Variants in CCL25 observed in about 807,000 individuals in gnomAD.
The protein encoded by CCL25 is C-C motif chemokine 25.
A neutral mutation model predicts 19.9 loss-of-function variants in CCL25; 14 were observed. The ratio of observed to expected loss-of-function variants is 0.70; its 90% confidence interval spans 0.47 to 1.10. CCL25 has a LOEUF of 1.10. CCL25 is among the 50% of genes least tolerant of loss of function. CCL25 has a pLI of 0.00. For synonymous variants in CCL25, 68 were observed against 73.2 expected, an observed-to-expected ratio of 0.93 and a Z score of 0.36; for missense variants, 151 against 181.2, an observed-to-expected ratio of 0.83 and a Z score of 0.96.
chr19:8,054,718 A>C (rs2081257038), intron 2 of CCL25, among the ~76,000 whole-genome samples: 1 of 148,530 alleles, frequency 6.7e-6, no homozygotes, highest in African/African-American at 2.5e-5. Context: ...TGCAGAGATC[A>C]GTTTCCCGGG....
At chr19:8,059,016 TAATATA>T (rs2081295928) in intron 5 of CCL25, among the ~76,000 whole-genome samples, 1 of 128,916 alleles carries the variant, frequency 7.8e-6, no homozygotes, top group Non-Finnish European at 1.6e-5. Context: ...TATAAATATA[TAATATA>T]AATATATGTA....
intron 5 of CCL25, among the ~76,000 whole-genome samples, chr19:8,059,655 T>C (rs950320831): frequency 6.6e-6 from 1 of 152,202 alleles, no homozygotes; most frequent in Admixed American, 6.6e-5. Flanking sequence ...GGTTGGATCA[T>C]TCGATAGAAC....
chr19:8,053,081 C>T lies in CCL25; in HGVS notation c.32C>T (p.Ala11Val). The T allele has an allele frequency of 6.4e-7, 1 of 1,556,060 alleles. No homozygotes were observed. The highest frequency in any genetic ancestry group is 8.7e-7 in the Non-Finnish European group (1 of 1,149,800). The change falls in exon 2 of 6, where the codon GCC becomes GTC. Residue 11 changes from alanine (A) to valine (V), a missense_variant. Physicochemically the swap from Ala to Val is moderately conservative, Grantham distance 64. Coordinates refer to ENST00000315626, the MANE Select transcript of CCL25 (RefSeq NM_005624.4). MNLWLLACLV[A>V]GFLGAWAPAV... The stretch of plus-strand genomic sequence containing the variant: ...CTGTGGCTCCTGGCCTGCCTGGTGG[C>T]CGGCTTCCTGGGAGCCTGGGCCCCC...
chr19:8,053,042 C>A lies in CCL25; in HGVS notation c.-8C>A. 6.5e-7 allele frequency: 1 copy of A among 1,549,336 alleles called. No individual in the cohort carries two copies. The highest frequency in any genetic ancestry group is 8.7e-7 in the Non-Finnish European group (1 of 1,146,244). ...CCAGGTGCCCAGGGAGGAGGACCCGCCTGCAGCATGAACCTGTGGCTCCTG... is the reference window on the plus strand; with the variant it reads ...CCAGGTGCCCAGGGAGGAGGACCCGACTGCAGCATGAACCTGTGGCTCCTG... On this transcript the variant is annotated 5_prime_UTR_variant, in exon 2 of 6. Transcript: ENST00000315626.
In CCL25 at chr19:8,056,511, C is replaced by G. The variant is rs1331380442; in HGVS notation, c.325+12C>G. The G allele has an allele frequency of 1.9e-6, 3 of 1,613,716 alleles. No homozygotes were observed. The African/African-American group carries it at 4.0e-5, about 22-fold the overall frequency. On this transcript the variant is annotated intron_variant, in intron 4 of 5. Coordinates refer to ENST00000315626, the MANE Select transcript of CCL25 (RefSeq NM_005624.4). Reference sequence around the variant, plus strand: ...GCAGACCTTCCAAGGTGGGCAAGACCTCTGCTGGGCATCTAGGGGGCCTGC... The same window carrying G: ...GCAGACCTTCCAAGGTGGGCAAGACGTCTGCTGGGCATCTAGGGGGCCTGC...
intron 5 of CCL25, among the ~76,000 whole-genome samples, chr19:8,060,854 G>A (rs911004826): frequency 1.1e-4 from 17 of 150,860 alleles, no homozygotes; most frequent in Non-Finnish European, 2.1e-4. Flanking sequence ...CTAATTTTTT[G>A]TATTTTTAGT....
intron 5 of CCL25, among the ~76,000 whole-genome samples, chr19:8,058,235 T>C (rs2081286156): frequency 6.8e-6 from 1 of 146,054 alleles, no homozygotes; most frequent in Non-Finnish European, 1.5e-5. Context: ...ATTCTGACAT[T>C]GTGTGTGTGT....
At chr19:8,054,288 G>A (rs2081253177) in intron 2 of CCL25, among the ~76,000 whole-genome samples, 1 of 152,254 alleles carries the variant, frequency 6.6e-6, no homozygotes, top group Non-Finnish European at 1.5e-5. Flanking sequence ...GGGTTGGGCT[G>A]TGGTCTGATT....
intron 5 of CCL25, among the ~76,000 whole-genome samples, chr19:8,061,946 A>C (rs62124694): frequency 0.11 from 15,985 of 149,980 alleles, 1,067 homozygotes; most frequent in Admixed American, 0.19. Flanking sequence ...GCTACTAGGG[A>C]GGCTGAGGCA....
intron 5 of CCL25, among the ~76,000 whole-genome samples, chr19:8,059,086 T>C (rs8103962): frequency 5.4e-5 from 1 of 18,426 alleles, no homozygotes. Flanking sequence ...ATATATATAA[T>C]ATATATAATG....
intron 2 of CCL25, among the ~76,000 whole-genome samples, chr19:8,055,334 TTTTTG>T (rs1213218576): frequency 2.7e-5 from 4 of 145,464 alleles, no homozygotes; most frequent in South Asian, 4.5e-4. Flanking sequence ...TAATTTTTGT[TTTTTG>T]TTTTGTTTTG....
chr19:8,053,108 C>T lies in CCL25; in HGVS notation c.59C>T (p.Ala20Val), dbSNP rs1377692531. ...VAGFLGAWAPAVHTQGVFEDC... is the reference protein window; with the variant it reads ...VAGFLGAWAPVVHTQGVFEDC... ...GGCTTCCTGGGAGCCTGGGCCCCCG[C>T]TGTCCACACCCAAGGTACTGTGTTC... Residue 20 changes from alanine to valine, a missense_variant, in exon 2 of 6, where the codon GCT (alanine) becomes GTT (valine). Physicochemically the swap from Ala to Val is moderately conservative, Grantham distance 64. Transcript: ENST00000315626. 1.9e-6 allele frequency: 3 copies of T among 1,556,036 alleles called. No individual in the cohort carries two copies. Among genetic ancestry groups the T allele is most frequent in the Non-Finnish European group, 2.6e-6 (3 of 1,149,364 alleles).
At chr19:8,052,535 G>A (rs1454197871), upstream of CCL25, among the ~76,000 whole-genome samples, 1 of 147,772 alleles carries the variant, frequency 6.8e-6, no homozygotes, top group Non-Finnish European at 1.5e-5. Context: ...GGGAAACAGG[G>A]GAAAAGGCCC....
chr19:8,055,285 GAAAA>G (rs368584418), intron 2 of CCL25, among the ~76,000 whole-genome samples: 1 of 92,736 alleles, frequency 1.1e-5, no homozygotes, highest in Non-Finnish European at 2.0e-5. Flanking sequence ...TGAGACTCTG[GAAAA>G]AAAAAAAAAA....
chr19:8,059,423 T>C (rs1001918507), intron 5 of CCL25, among the ~76,000 whole-genome samples: 4 of 151,598 alleles, frequency 2.6e-5, no homozygotes, highest in Middle Eastern at 3.4e-3. Flanking sequence ...GGTCTCTAAC[T>C]TCTGGCCTCA....
rs200602406 is a variant in CCL25, at chr19:8,056,145, G to A, written c.74-7G>A. 2,837 of 1,529,528 alleles carry A rather than the reference G, an allele frequency of 1.9e-3. 65 individuals carry two copies. In the South Asian group the frequency reaches 0.032, roughly 17 times the overall value. 94.7% of individuals were successfully genotyped at this position (1,529,528 alleles called of 1,614,324 possible). A position where few individuals can be genotyped will look rare whatever the true frequency, so the allele number is the denominator to read the frequency against. On this transcript the variant is annotated splice_region_variant and splice_polypyrimidine_tract_variant and intron_variant, in intron 2 of 5. Coordinates refer to ENST00000315626, the MANE Select transcript of CCL25 (RefSeq NM_005624.4). ...GTGCGAGTATCTGGGCGGCTGTGTG[G>A]TTGCAGGTGTCTTTGAGGACTGCTG...
intron 3 of CCL25, 38 bp downstream of exon 3, chr19:8,056,307 C>T (rs777202720): frequency 3.7e-6 from 6 of 1,604,074 alleles, no homozygotes; most frequent in Non-Finnish European, 5.1e-6. Context: ...GTGGGGTGCA[C>T]ACACAGCCTT....
chr19:8,058,490 AAT>A (rs1330191774), intron 5 of CCL25, among the ~76,000 whole-genome samples: 23 of 106,784 alleles, frequency 2.2e-4, no homozygotes, highest in Non-Finnish European at 3.8e-4. Flanking sequence ...ATAAATATAT[AAT>A]ATATATAAGT....
chr19:8,054,936 C>T (rs1221615796), intron 2 of CCL25, among the ~76,000 whole-genome samples: 1 of 151,208 alleles, frequency 6.6e-6, no homozygotes, highest in Admixed American at 6.6e-5. Flanking sequence ...TCACTGCAAC[C>T]TCCACCTCCT....
Sources: allele counts gnomAD v4.1 joint callset (sites outside exome capture counted in the v4.1 genomes callset), GRCh38; gene constraint gnomAD v4.1.1; transcripts MANE v1.5; gene names NCBI Gene and HGNC (gene_info 2026-07-23, HGNC 2026-07-21).